Variants in PTBP3 observed in about 807,000 individuals in gnomAD.
PTBP3 encodes the protein polypyrimidine tract binding protein 3, also known as polypyrimidine tract-binding protein 3.
A neutral mutation model predicts 58.7 loss-of-function variants in PTBP3; 20 were observed. The observed-to-expected ratio is 0.34, with a 90% CI of 0.24 to 0.50. The LOEUF is 0.50. Among genes scored for constraint, PTBP3 ranks in the 20% least tolerant of loss-of-function variants. PTBP3 has a pLI of 0.98. For synonymous variants in PTBP3, 185 were observed against 219.8 expected, an observed-to-expected ratio of 0.84 and a Z score of 1.40; for missense variants, 509 against 637.2, an observed-to-expected ratio of 0.80 and a Z score of 2.17.
chr9:112,318,925 C>T (rs1206084466), intron 1 of PTBP3, among the ~76,000 whole-genome samples: 2 of 151,934 alleles, frequency 1.3e-5, no homozygotes, highest in Non-Finnish European at 1.5e-5. Flanking sequence ...GTCGGGAGTT[C>T]AAGACCAGCC....
At chr9:112,287,585 C>G (rs181177522) in intron 2 of PTBP3, among the ~76,000 whole-genome samples, 4 of 152,146 alleles carry the variant, frequency 2.6e-5, no homozygotes, top group Non-Finnish European at 5.9e-5. Flanking sequence ...AGGTGATCCA[C>G]CCGCCTCGGC....
chr9:112,251,682 C>T (rs1836123896), intron 6 of PTBP3, among the ~76,000 whole-genome samples: 1 of 151,890 alleles, frequency 6.6e-6, no homozygotes. Context: ...GATTAGCAAC[C>T]CCTTCCTTTG....
upstream of PTBP3, among the ~76,000 whole-genome samples, chr9:112,335,967 A>G (rs775835228): frequency 5.3e-5 from 8 of 150,912 alleles, no homozygotes; most frequent in Non-Finnish European, 1.0e-4. Context: ...TCTGCCTCCC[A>G]GGCTCAAGCA....
chr9:112,343,851 CAA>C, the PTBP3 span, among the ~76,000 whole-genome samples: 3 of 151,154 alleles, frequency 2.0e-5, no homozygotes, highest in East Asian at 5.8e-4. Flanking sequence ...TTCATTAATG[CAA>C]TTGAATTTCA....
chr9:112,335,019 A>G (rs1830543000), upstream of PTBP3, among the ~76,000 whole-genome samples: 1 of 152,258 alleles, frequency 6.6e-6, no homozygotes, highest in Non-Finnish European at 1.5e-5. Flanking sequence ...GAAATGTAGA[A>G]TATCAACAAG....
chr9:112,324,945 A>T (rs1279383582), intron 1 of PTBP3, among the ~76,000 whole-genome samples: 2 of 152,208 alleles, frequency 1.3e-5, no homozygotes. Flanking sequence ...ACAATTTCTT[A>T]TAAAGTTAAA....
At chr9:112,231,808 T>A (rs1380419843) in intron 9 of PTBP3, among the ~76,000 whole-genome samples, 1 of 151,422 alleles carries the variant, frequency 6.6e-6, no homozygotes, top group Non-Finnish European at 1.5e-5. Flanking sequence ...CCTGAGAGCC[T>A]GAGGTGGGAG....
At chr9:112,324,626 G>A (rs1377193990) in intron 1 of PTBP3, among the ~76,000 whole-genome samples, 1 of 151,750 alleles carries the variant, frequency 6.6e-6, no homozygotes, top group Non-Finnish European at 1.5e-5. Flanking sequence ...CTCCAGCCTG[G>A]GTGACAGAGC....
chr9:112,325,761 T>C (rs1295181026), intron 1 of PTBP3, among the ~76,000 whole-genome samples: 3 of 152,148 alleles, frequency 2.0e-5, no homozygotes, highest in Admixed American at 6.5e-5. Flanking sequence ...CGGTGGCTCA[T>C]GCCTGTAACC....
At position 112,222,943 on chromosome 9, in the gene PTBP3, T is replaced by C; in HGVS notation, c.*908A>G. The C allele has an allele frequency of 4.7e-6, 4 of 856,184 alleles. No homozygotes were observed. Among genetic ancestry groups the C allele is most frequent in the Non-Finnish European group, 5.6e-6 (4 of 712,018 alleles). 53.0% of individuals were successfully genotyped at this position (856,184 alleles called of 1,614,324 possible). A position where few individuals can be genotyped will look rare whatever the true frequency, so the allele number is the denominator to read the frequency against. ...TTAAAAAATCTGTCAAACCATATGATAGACCTGAATATTTTCCTTAAGACT... is the reference window on the plus strand; with the variant it reads ...TTAAAAAATCTGTCAAACCATATGACAGACCTGAATATTTTCCTTAAGACT... On this transcript the variant is annotated 3_prime_UTR_variant, in exon 14 of 14. Coordinates refer to ENST00000374257, the MANE Select transcript of PTBP3 (RefSeq NM_001163788.4).
chr9:112,287,191 A>G lies in PTBP3; in HGVS notation c.34+10641T>C, dbSNP rs558066638. Reference sequence around the variant, plus strand: ...AAGTGGGTTTATGTTTTCCACATATATGAAGATTTAGGATAATTTCTTGAG... The same window carrying G: ...AAGTGGGTTTATGTTTTCCACATATGTGAAGATTTAGGATAATTTCTTGAG... On this transcript the variant is annotated intron_variant, in intron 2 of 13. Coordinates refer to ENST00000374257, the MANE Select transcript of PTBP3 (RefSeq NM_001163788.4). Among the ~76,000 whole-genome samples, 28 of 40,372 alleles carry G rather than the reference A, an allele frequency of 6.9e-4. 1 individual carries two copies. The Admixed American group carries it at 7.4e-3, about 11-fold the overall frequency. 26.5% of individuals were successfully genotyped at this position (40,372 alleles called of 152,430 possible). A position where few individuals can be genotyped will look rare whatever the true frequency, so the allele number is the denominator to read the frequency against.
chr9:112,305,257 G>C (rs1394143903), intron 1 of PTBP3, among the ~76,000 whole-genome samples: 1 of 117,686 alleles, frequency 8.5e-6, no homozygotes, highest in South Asian at 3.4e-4. Context: ...ATGCCTGAAA[G>C]GACTTTTTTT....
the PTBP3 span, among the ~76,000 whole-genome samples, chr9:112,356,209 C>G: frequency 6.6e-6 from 1 of 152,118 alleles, no homozygotes; most frequent in Non-Finnish European, 1.5e-5. Context: ...GAACTCCTAA[C>G]CTCAGGTGAT....
the PTBP3 span, among the ~76,000 whole-genome samples, chr9:112,363,682 T>C: frequency 6.6e-6 from 1 of 152,164 alleles, no homozygotes; most frequent in African/African-American, 2.4e-5. Flanking sequence ...TACCACATGG[T>C]TTTTGCTTTT....
chr9:112,334,240 G>A (rs1830516879), upstream of PTBP3, among the ~76,000 whole-genome samples: 1 of 152,046 alleles, frequency 6.6e-6, no homozygotes, highest in African/African-American at 2.4e-5. Context: ...ACTGGAATTT[G>A]TATACAATTT....
chr9:112,268,315 C>T, intron 3 of PTBP3, 120 bp from the exon 4 acceptor site: 1 of 967,200 alleles, frequency 1.0e-6, no homozygotes. Context: ...ACATTTCCCC[C>T]AAGGGGAGGG....
At chr9:112,363,430 G>A in the PTBP3 span, among the ~76,000 whole-genome samples, 1,844 of 151,536 alleles carry the variant, frequency 0.012, 46 homozygotes, top group African/African-American at 0.043. Context: ...GAAGTGGGCC[G>A]ACTGCATGAG....
At chr9:112,240,983 T>C (rs199755308) in intron 7 of PTBP3, among the ~76,000 whole-genome samples, 2 of 152,214 alleles carry the variant, frequency 1.3e-5, no homozygotes, top group African/African-American at 2.4e-5. Flanking sequence ...CTACACAATG[T>C]GCTTGTGTTT....
chr9:112,331,060 A>C (rs1421112332), intron 1 of PTBP3, among the ~76,000 whole-genome samples: 2 of 148,822 alleles, frequency 1.3e-5, no homozygotes, highest in African/African-American at 5.0e-5. Context: ...TTTAAGTATA[A>C]ATTATCTCTT....
Sources: gnomAD v4.1 joint callset for allele counts (sites outside exome capture counted in the v4.1 genomes callset) on GRCh38, gnomAD v4.1.1 for gene constraint, MANE v1.5 for transcripts, NCBI Gene and HGNC (gene_info 2026-07-23, HGNC 2026-07-21) for gene names.